The following FAM228A variants were observed in gnomAD, a reference collection of about 807,000 sequenced individuals.
FAM228A encodes family with sequence similarity 228 member A.
A neutral mutation model predicts 18.6 loss-of-function variants in FAM228A; 13 were observed. The observed-to-expected ratio is 0.70, with a 90% CI of 0.45 to 1.11. FAM228A has a LOEUF of 1.11. FAM228A is among the 50% of genes least tolerant of loss of function. The probability of loss-of-function intolerance (pLI) is 0.00; values close to 1 mark genes in which losing one functional copy is unlikely to be tolerated. For missense variants in FAM228A, 240 were observed against 242.2 expected (o/e 0.99, Z 0.06); for synonymous variants, 77 against 86.6 (o/e 0.89, Z 0.61).
In FAM228A at chr2:24,190,973, G is replaced by A. The variant is rs2151050751; in HGVS notation, c.*342G>A. On this transcript the variant is annotated 3_prime_UTR_variant, in exon 6 of 6. Coordinates refer to ENST00000295150, the MANE Select transcript of FAM228A (RefSeq NM_001040710.3). The stretch of plus-strand genomic sequence containing the variant: ...ATTTTCCACTTACTCCATCCAAACT[G>A]CACCAAAGATGGTGTTCTCCTTAGT... 1 of 1,042,732 alleles carries A rather than the reference G, an allele frequency of 9.6e-7. No individual in the cohort carries two copies. Among genetic ancestry groups the A allele is most frequent in the South Asian group, 4.5e-5 (1 of 22,218 alleles). The allele number at this position is 1,042,732 out of a possible 1,614,324, so 64.6% of individuals were successfully genotyped here.
At chr2:24,177,712 A>C (rs1214070163) in intron 2 of FAM228A, 90 bp from the exon 3 acceptor site, 1 of 725,718 alleles carries the variant, frequency 1.4e-6, no homozygotes, top group Non-Finnish European at 2.3e-6. Flanking sequence ...CAAGATTTAC[A>C]CTAAAACTAT....
At chr2:24,186,039 T>A (rs1291255433) in intron 5 of FAM228A, among the ~76,000 whole-genome samples, 1 of 152,216 alleles carries the variant, frequency 6.6e-6, no homozygotes, top group Non-Finnish European at 1.5e-5. Flanking sequence ...TCTTTTTATT[T>A]TTTTGAGATG....
intron 2 of FAM228A, among the ~76,000 whole-genome samples, chr2:24,177,570 G>T (rs1032798646): frequency 6.6e-6 from 1 of 151,982 alleles, no homozygotes; most frequent in Admixed American, 6.6e-5. Context: ...GGGTGGGGGG[G>T]TGCTGAAAAA....
chr2:24,179,444 G>T, intron 3 of FAM228A: 1 of 172,164 alleles, frequency 5.8e-6, no homozygotes. Context: ...TTAAGCCTGA[G>T]GTTGGAGGGG....
At chr2:24,190,217 C>T (rs970416328) in intron 5 of FAM228A, among the ~76,000 whole-genome samples, 195 bp from the exon 6 acceptor site, 2 of 152,110 alleles carry the variant, frequency 1.3e-5, no homozygotes, top group African/African-American at 4.8e-5. Flanking sequence ...CCCCAAGTCA[C>T]CACCTCCCTA....
intron 5 of FAM228A, chr2:24,188,685 G>T: frequency 1.0e-6 from 1 of 982,298 alleles, no homozygotes; most frequent in Non-Finnish European, 1.2e-6. Flanking sequence ...CACAGAGGAA[G>T]GTAAGAGTTG....
At chr2:24,188,365 T>C in intron 5 of FAM228A, 2 of 870,442 alleles carry the variant, frequency 2.3e-6, no homozygotes, top group Non-Finnish European at 2.8e-6. Flanking sequence ...AAGCCCAGCA[T>C]GCATTAGCTA....
chr2:24,176,659 A>G (rs1284453270), intron 2 of FAM228A, among the ~76,000 whole-genome samples: 4 of 152,264 alleles, frequency 2.6e-5, no homozygotes, highest in Non-Finnish European at 4.4e-5. Flanking sequence ...GGGTAAAAAG[A>G]ACAACTTTCC....
intron 3 of FAM228A, among the ~76,000 whole-genome samples, 161 bp from the exon 4 acceptor site, chr2:24,183,124 A>G (rs183706438): frequency 2.6e-5 from 4 of 152,228 alleles, no homozygotes; most frequent in Non-Finnish European, 5.9e-5. Flanking sequence ...CCTGGTAGTA[A>G]GCAGAGTCCC....
intron 3 of FAM228A, among the ~76,000 whole-genome samples, chr2:24,182,785 G>A (rs1221904133): frequency 6.6e-6 from 1 of 152,044 alleles, no homozygotes; most frequent in Non-Finnish European, 1.5e-5. Context: ...GCACACAATG[G>A]CAACACAAAT....
intron 3 of FAM228A, among the ~76,000 whole-genome samples, chr2:24,182,341 C>T (rs918935317): frequency 6.6e-6 from 1 of 152,128 alleles, no homozygotes. Flanking sequence ...TGAAGATGAA[C>T]AGATTCTTCT....
At chr2:24,175,594 G>C in intron 2 of FAM228A, 21 bp downstream of exon 2, 1 of 1,581,626 alleles carries the variant, frequency 6.3e-7, no homozygotes, top group Non-Finnish European at 8.7e-7. Context: ...GTGGCGTTTT[G>C]AGACGTCATT....
intron 5 of FAM228A, among the ~76,000 whole-genome samples, chr2:24,185,805 A>G (rs1251082870): frequency 1.3e-5 from 2 of 152,222 alleles, no homozygotes; most frequent in Non-Finnish European, 2.9e-5. Flanking sequence ...AGTAAGTACT[A>G]TGGATAAGAA....
chr2:24,190,735 C>T lies in FAM228A; in HGVS notation c.*104C>T. The T allele has an allele frequency of 2.8e-6, 4 of 1,424,834 alleles. No homozygotes were observed. The highest frequency in any genetic ancestry group is 5.1e-5 in the East Asian group (2 of 39,116). The allele number at this position is 1,424,834 out of a possible 1,614,324, so 88.3% of individuals were successfully genotyped here. A position where few individuals can be genotyped will look rare whatever the true frequency, so the allele number is the denominator to read the frequency against. ...GAGGAGGGAGAAATGGCGGTGGCCTCAGGCTCAGCACTGCAGCTCTGACAG... is the reference window on the plus strand; with the variant it reads ...GAGGAGGGAGAAATGGCGGTGGCCTTAGGCTCAGCACTGCAGCTCTGACAG... On this transcript the variant is annotated 3_prime_UTR_variant, in exon 6 of 6. Transcript: ENST00000295150.
chr2:24,176,379 C>T (rs1667692850), intron 2 of FAM228A, among the ~76,000 whole-genome samples: 1 of 152,132 alleles, frequency 6.6e-6, no homozygotes, highest in Non-Finnish European at 1.5e-5. Context: ...GAGACAGGTT[C>T]TTGCTCTGTA....
rs1667670199 is a variant in FAM228A at position 24,175,784 on chromosome 2, G to A, written c.93+211G>A. On this transcript the variant is annotated intron_variant, in intron 2 of 5. Transcript: ENST00000295150. The stretch of plus-strand genomic sequence containing the variant: ...AGCCTGGGGGCTGGCGCACCGACGG[G>A]GGCGGGCAGCCGGGCGGGTGAAGGC... The A allele has an allele frequency of 3.5e-6, 3 of 846,492 alleles. No individual in the cohort carries two copies. In the East Asian group the frequency reaches 9.7e-5, roughly 27 times the overall value. The allele number at this position is 846,492 out of a possible 1,614,324, so 52.4% of individuals were successfully genotyped here. A position where few individuals can be genotyped will look rare whatever the true frequency, so the allele number is the denominator to read the frequency against.
intron 5 of FAM228A, among the ~76,000 whole-genome samples, chr2:24,189,211 G>GA (rs1321381254): frequency 2.0e-5 from 3 of 152,074 alleles, no homozygotes; most frequent in Non-Finnish European, 4.4e-5. Context: ...TCCTCCACTG[G>GA]AAACCCTTCA....
chr2:24,176,566 T>C (rs1573799815), intron 2 of FAM228A, among the ~76,000 whole-genome samples: 1 of 152,214 alleles, frequency 6.6e-6, no homozygotes, highest in African/African-American at 2.4e-5. Flanking sequence ...CCTGTTCCTA[T>C]TACAAAGAGA....
At chr2:24,182,478 A>G (rs892478338) in intron 3 of FAM228A, among the ~76,000 whole-genome samples, 1 of 152,128 alleles carries the variant, frequency 6.6e-6, no homozygotes, top group African/African-American at 2.4e-5. Context: ...GGGGAAATGG[A>G]GGGGAAAAAT....
Sources: allele counts gnomAD v4.1 joint callset (sites outside exome capture counted in the v4.1 genomes callset), GRCh38; gene constraint gnomAD v4.1.1; transcripts MANE v1.5; gene names NCBI Gene and HGNC (gene_info 2026-07-23, HGNC 2026-07-21).